The following OXCT1 variants were observed in gnomAD, a reference collection of about 807,000 sequenced individuals.
OXCT1 encodes the protein 3-oxoacid CoA-transferase 1, also known as succinyl-CoA:3-ketoacid coenzyme A transferase 1, mitochondrial.
In OXCT1, 27 loss-of-function variants were observed where a neutral mutation model predicts 69.6. The observed-to-expected ratio is 0.39, with a 90% CI of 0.29 to 0.54. OXCT1 has a LOEUF of 0.54. Among genes scored for constraint, OXCT1 ranks in the 20% least tolerant of loss-of-function variants. The probability of loss-of-function intolerance (pLI) is 0.72; values close to 1 mark genes in which losing one functional copy is unlikely to be tolerated. For synonymous variants in OXCT1, 202 were observed against 217.8 expected (o/e 0.93, Z 0.64); for missense variants, 437 against 650.2 (o/e 0.67, Z 3.57).
At chr5:41,827,717 T>G (rs554970641) in intron 7 of OXCT1, among the ~76,000 whole-genome samples, 1 of 152,302 alleles carries the variant, frequency 6.6e-6, no homozygotes, top group Admixed American at 6.5e-5. Context: ...TGGGTAAACT[T>G]CCTGATTTGA....
rs368395404 is a variant in OXCT1, at chr5:41,827,170, C to T, written c.732+13281G>A. Among the ~76,000 whole-genome samples, 149 of 152,272 alleles carry T rather than the reference C, an allele frequency of 9.8e-4. 2 individuals carry two copies. Among genetic ancestry groups the T allele is most frequent in the African/African-American group, 3.3e-3 (138 of 41,568 alleles). On this transcript the variant is annotated intron_variant, in intron 7 of 16. Transcript: ENST00000196371. ...AACAATACGCAAGCTAAAATTATGA[C>T]CTTTCCAAATGCACTTAAAATCCAA...
At chr5:41,768,187 A>G (rs762160333) in intron 13 of OXCT1, among the ~76,000 whole-genome samples, 15 of 152,174 alleles carry the variant, frequency 9.9e-5, no homozygotes, top group Non-Finnish European at 1.9e-4. Context: ...GCCTTCCTTG[A>G]AGTTACAATT....
At position 41,768,944 on chromosome 5, in the gene OXCT1, A is replaced by C. The variant is rs569425626; in HGVS notation, c.1249-6744T>G. Among the ~76,000 whole-genome samples the C allele has an allele frequency of 2.0e-5, 3 of 152,090 alleles. No homozygotes were observed. The South Asian group carries it at 6.2e-4, about 32-fold the overall frequency. On this transcript the variant is annotated intron_variant, in intron 13 of 16. Coordinates refer to ENST00000196371, the MANE Select transcript of OXCT1 (RefSeq NM_000436.4). ...TCCTCACACCCCAGTTCCCATTTCC[A>C]TGCCAGGAATAGTGAGTTGCTTGTA... is the stretch of plus-strand genomic sequence containing the variant.
chr5:41,816,733 T>C (rs536887219), intron 7 of OXCT1, among the ~76,000 whole-genome samples: 1 of 152,086 alleles, frequency 6.6e-6, no homozygotes, highest in East Asian at 1.9e-4. Flanking sequence ...AAGATCACTA[T>C]CTCTCCTTAT....
At chr5:41,831,073 A>G (rs1362374246) in intron 7 of OXCT1, among the ~76,000 whole-genome samples, 1 of 152,248 alleles carries the variant, frequency 6.6e-6, no homozygotes, top group East Asian at 1.9e-4. Flanking sequence ...AATTATTAAC[A>G]CAAAGCTCTC....
intron 10 of OXCT1, among the ~76,000 whole-genome samples, chr5:41,801,706 T>C (rs887831255): frequency 6.6e-6 from 1 of 152,152 alleles, no homozygotes; most frequent in African/African-American, 2.4e-5. Context: ...TTTGGGTTTC[T>C]AATCTTACTC....
At chr5:41,794,148 A>G in intron 12 of OXCT1, 70 bp from the exon 13 acceptor site, 1 of 1,120,092 alleles carries the variant, frequency 8.9e-7, no homozygotes, top group Non-Finnish European at 1.4e-6. Context: ...ACTTGCCAGC[A>G]ATTAGAATAA....
chr5:41,779,876 T>A (rs555048365), intron 13 of OXCT1, among the ~76,000 whole-genome samples: 9 of 152,172 alleles, frequency 5.9e-5, no homozygotes, highest in African/African-American at 2.2e-4. Flanking sequence ...TACCCAGAAA[T>A]TAATGAAAAT....
At chr5:41,870,000 T>G in intron 1 of OXCT1, 1 of 471,358 alleles carries the variant, frequency 2.1e-6, no homozygotes, top group Admixed American at 3.4e-5. Flanking sequence ...TCGGGAGCGC[T>G]GCCAGGAGTC....
intron 16 of OXCT1, among the ~76,000 whole-genome samples, chr5:41,734,170 G>A (rs1434360565): frequency 6.6e-6 from 1 of 152,152 alleles, no homozygotes; most frequent in South Asian, 2.1e-4. Flanking sequence ...AAGGCTCTTG[G>A]GAGCAAGAAC....
intron 5 of OXCT1, among the ~76,000 whole-genome samples, chr5:41,847,412 C>A (rs1205297311): frequency 6.6e-6 from 1 of 152,180 alleles, no homozygotes; most frequent in East Asian, 1.9e-4. Context: ...AAGAGGGAAT[C>A]CTCCCTAACT....
chr5:41,747,793 C>T (rs1230219501), intron 15 of OXCT1, among the ~76,000 whole-genome samples: 1 of 152,046 alleles, frequency 6.6e-6, no homozygotes, highest in Non-Finnish European at 1.5e-5. Flanking sequence ...CTGTGAAATG[C>T]TTCACAAGAT....
chr5:41,809,320 C>G (rs1746847874), intron 7 of OXCT1, among the ~76,000 whole-genome samples: 1 of 151,906 alleles, frequency 6.6e-6, no homozygotes, highest in Non-Finnish European at 1.5e-5. Flanking sequence ...GTGATAAACA[C>G]TAAGTTTCTA....
chr5:41,854,716 T>A (rs553269452), intron 3 of OXCT1, among the ~76,000 whole-genome samples: 1 of 152,196 alleles, frequency 6.6e-6, no homozygotes, highest in East Asian at 1.9e-4. Flanking sequence ...AAAACACTTT[T>A]AATGGCAAAA....
At chr5:41,773,201 GA>G (rs34979401) in intron 13 of OXCT1, among the ~76,000 whole-genome samples, 4 of 151,756 alleles carry the variant, frequency 2.6e-5, no homozygotes, top group Non-Finnish European at 4.4e-5. Context: ...TAAGATGGGG[GA>G]AAAAAAGTGA....
chr5:41,794,155 A>G (rs1170581786), intron 12 of OXCT1, 77 bp from the exon 13 acceptor site: 5 of 1,005,306 alleles, frequency 5.0e-6, no homozygotes, highest in South Asian at 3.8e-5. Flanking sequence ...AGCAATTAGA[A>G]TAACTTCATA....
At chr5:41,805,707 T>C in intron 8 of OXCT1, 26 bp from the exon 9 acceptor site, 1 of 1,442,030 alleles carries the variant, frequency 6.9e-7, no homozygotes, top group Non-Finnish European at 9.8e-7. Context: ...AAATAAATTA[T>C]TCGTGGTTGA....
rs1013037000 is a variant in OXCT1, at chr5:41,862,532, T to G, written c.187+110A>C. The G allele has an allele frequency of 4.4e-6, 3 of 676,896 alleles. No individual in the cohort carries two copies. In the South Asian group the frequency reaches 5.0e-5, roughly 11 times the overall value. The allele number at this position is 676,896 out of a possible 1,614,324, so 41.9% of individuals were successfully genotyped here. ...ATATTATAATATGTACAATAAATAA[T>G]GCATAATAAAATAATTATCATTTTT... is the stretch of plus-strand genomic sequence containing the variant. On this transcript the variant is annotated intron_variant, in intron 2 of 16. Coordinates refer to ENST00000196371, the MANE Select transcript of OXCT1 (RefSeq NM_000436.4).
intron 5 of OXCT1, chr5:41,843,444 G>A (rs1748743289): frequency 2.4e-6 from 1 of 418,598 alleles, no homozygotes. Flanking sequence ...TACTGTGAAT[G>A]TTACATTTGC....
Sources: allele counts gnomAD v4.1 joint callset (sites outside exome capture counted in the v4.1 genomes callset), GRCh38; gene constraint gnomAD v4.1.1; transcripts MANE v1.5; gene names NCBI Gene and HGNC (gene_info 2026-07-23, HGNC 2026-07-21).